Variants in LIPF observed in about 807,000 individuals in gnomAD.
The protein encoded by LIPF is gastric triacylglycerol lipase.
In LIPF, 25 loss-of-function variants were observed where a neutral mutation model predicts 38.0. The observed-to-expected ratio is 0.66, with a 90% CI of 0.48 to 0.92. LIPF has a LOEUF of 0.92. LIPF is among the 40% of genes least tolerant of loss of function. LIPF has a pLI of 0.00. For synonymous variants in LIPF, 161 were observed against 156.2 expected (o/e 1.03, Z -0.23); for missense variants, 410 against 469.9 (o/e 0.87, Z 1.18).
intron 1 of LIPF, chr10:88,665,467 G>A: frequency 8.7e-7 from 1 of 1,152,640 alleles, no homozygotes; most frequent in Non-Finnish European, 1.3e-6. Context: ...TTAATTACTG[G>A]TATTTTCCTA....
At chr10:88,665,783 T>G (rs1796980071) in intron 1 of LIPF, among the ~76,000 whole-genome samples, 1 of 140,162 alleles carries the variant, frequency 7.1e-6, no homozygotes, top group East Asian at 2.1e-4. Flanking sequence ...TCACACTGTC[T>G]CCTGGGCTGG....
chr10:88,678,662 T>C lies in LIPF; in HGVS notation c.1178T>C (p.Ile393Thr), dbSNP rs1374017554. Residue 393 changes from isoleucine to threonine, a missense_variant, in exon 10 of 10, where the codon ATA becomes ACA. By Grantham distance (89) the Ile-to-Thr change is moderately conservative (BLOSUM62 -1). Transcript: ENST00000238983. ...QEVYNDIVSMISEDKK is the reference protein window; with the variant it reads ...QEVYNDIVSMTSEDKK ...GTTTACAATGACATTGTTTCTATGA[T>C]ATCAGAAGATAAAAAGTAGTTCTGG... is the stretch of plus-strand genomic sequence containing the variant. 6.2e-7 allele frequency: 1 copy of C among 1,606,236 alleles called. No individual in the cohort carries two copies. The highest frequency in any genetic ancestry group is 1.1e-5 in the South Asian group (1 of 90,918).
intron 6 of LIPF, among the ~76,000 whole-genome samples, chr10:88,672,625 AACACACACACAC>A (rs71471111): frequency 0.23 from 30,324 of 130,632 alleles, 3,458 homozygotes; most frequent in East Asian, 0.4. Flanking sequence ...CAGTAAAACC[AACACACACACAC>A]ACACACACAC....
chr10:88,670,640 A>C (rs554337534), intron 5 of LIPF, among the ~76,000 whole-genome samples: 2 of 152,310 alleles, frequency 1.3e-5, no homozygotes, highest in African/African-American at 4.8e-5. Flanking sequence ...CAGTGAGGCT[A>C]TGCCTTGTGT....
Position 88,671,982 on chromosome 10 carries a change from A to C in LIPF, c.669+17A>C. 6.3e-7 allele frequency: 1 copy of C among 1,598,360 alleles called. No homozygotes were observed. The highest frequency in any genetic ancestry group is 1.1e-5 in the South Asian group (1 of 87,672). On this transcript the variant is annotated intron_variant, in intron 6 of 9. Coordinates refer to ENST00000238983, the MANE Select transcript of LIPF (RefSeq NM_004190.4). ...CTCTTCAAGGTATGCAATTCTCTTTAATTAAGTGAATCTAAGACCCTTGAT... is the reference window on the plus strand; with the variant it reads ...CTCTTCAAGGTATGCAATTCTCTTTCATTAAGTGAATCTAAGACCCTTGAT...
intron 5 of LIPF, among the ~76,000 whole-genome samples, chr10:88,671,298 A>C (rs1234147126): frequency 6.6e-6 from 1 of 152,178 alleles, no homozygotes; most frequent in Middle Eastern, 3.2e-3. Flanking sequence ...ACTCACCACT[A>C]TCCTTGTATT....
chr10:88,671,004 T>A (rs1841588214), intron 5 of LIPF, among the ~76,000 whole-genome samples: 1 of 152,186 alleles, frequency 6.6e-6, no homozygotes, highest in African/African-American at 2.4e-5. Flanking sequence ...GGGTTTTTTT[T>A]AGGCCATTCT....
At chr10:88,675,203 A>C (rs946322817) in intron 7 of LIPF, among the ~76,000 whole-genome samples, 4 of 152,184 alleles carry the variant, frequency 2.6e-5, no homozygotes, top group African/African-American at 9.7e-5. Context: ...CTGTGTGTGA[A>C]TATTTAACCT....
chr10:88,673,560 AC>A (rs774839703), intron 6 of LIPF, 27 bp from the exon 7 acceptor site: 3 of 1,575,304 alleles, frequency 1.9e-6, no homozygotes, highest in Non-Finnish European at 2.6e-6. Flanking sequence ...GATTGCTACA[AC>A]CCTCTAATAG....
At position 88,673,822 on chromosome 10, in the gene LIPF, T is replaced by G; in HGVS notation, c.816+88T>G. 2.9e-6 allele frequency: 3 copies of G among 1,050,016 alleles called. No homozygotes were observed. In the East Asian group the frequency reaches 7.2e-5, roughly 25 times the overall value. The allele number at this position is 1,050,016 out of a possible 1,614,324, so 65.0% of individuals were successfully genotyped here. On this transcript the variant is annotated intron_variant, in intron 7 of 9. Transcript: ENST00000238983. ...CTTAGAAGTGGTACTTTATGAGAAC[T>G]AGGAGTAGGTTCAGAACTGCGATAT...
chr10:88,667,431 A>C lies in LIPF; in HGVS notation c.105+29A>C, dbSNP rs1480960965. 4 of 1,294,048 alleles carry C rather than the reference A, an allele frequency of 3.1e-6. No individual in the cohort carries two copies. In the African/African-American group the frequency reaches 5.9e-5, roughly 19 times the overall value. 80.2% of individuals were successfully genotyped at this position (1,294,048 alleles called of 1,614,324 possible). A position where few individuals can be genotyped will look rare whatever the true frequency, so the allele number is the denominator to read the frequency against. On this transcript the variant is annotated intron_variant, in intron 2 of 9. Coordinates refer to ENST00000238983, the MANE Select transcript of LIPF (RefSeq NM_004190.4). The stretch of plus-strand genomic sequence containing the variant: ...AGTTACTCTGGGGAAAAACTCTATA[A>C]AACTAAAAGATGCTATTATTTAAAA...
At chr10:88,667,544 T>A in intron 2 of LIPF, 25 bp from the exon 3 acceptor site, 1 of 1,321,464 alleles carries the variant, frequency 7.6e-7, no homozygotes, top group Non-Finnish European at 1.1e-6. Context: ...AACTAAAATT[T>A]AAACTTTTGG....
intron 6 of LIPF, among the ~76,000 whole-genome samples, chr10:88,672,441 T>C (rs1261769275): frequency 6.6e-6 from 1 of 152,222 alleles, no homozygotes; most frequent in Non-Finnish European, 1.5e-5. Context: ...AGATCTCTCA[T>C]GGCTTTCCCT....
chr10:88,672,069 T>C, intron 6 of LIPF, 104 bp downstream of exon 6: 1 of 1,130,428 alleles, frequency 8.8e-7, no homozygotes, highest in Non-Finnish European at 1.2e-6. Flanking sequence ...CAATCATTTT[T>C]ATATCCAAAA....
rs1841637754 is a variant in LIPF at position 88,673,611 on chromosome 10, C to G, written c.693C>G (p.Phe231Leu). 4 of 1,611,358 alleles carry G rather than the reference C, an allele frequency of 2.5e-6. No individual in the cohort carries two copies. Among genetic ancestry groups the G allele is most frequent in the Non-Finnish European group, 3.4e-6 (4 of 1,178,388 alleles). ...LFKFIFGDKI[F>L]YPHNFFDQFL... ...AGTTTATATTTGGTGACAAAATATT[C>G]TACCCACACAACTTCTTTGATCAAT... is the stretch of plus-strand genomic sequence containing the variant. The change falls in exon 7 of 10, where the codon TTC (phenylalanine) becomes TTG (leucine). Residue 231 changes from phenylalanine (F) to leucine (L), a missense_variant. Transcript: ENST00000238983.
At chr10:88,671,424 T>C (rs1243591773) in intron 5 of LIPF, among the ~76,000 whole-genome samples, 2 of 152,172 alleles carry the variant, frequency 1.3e-5, no homozygotes, top group African/African-American at 4.8e-5. Context: ...TTTCTACTCT[T>C]AACCTTTCCA....
At chr10:88,668,049 T>G (rs904464309) in intron 3 of LIPF, among the ~76,000 whole-genome samples, 1 of 152,170 alleles carries the variant, frequency 6.6e-6, no homozygotes. Context: ...AAACAGTAAC[T>G]GGATGAAGAT....
At chr10:88,664,773 TTTA>T (rs2134630091) in intron 1 of LIPF, among the ~76,000 whole-genome samples, 1 of 152,318 alleles carries the variant, frequency 6.6e-6, no homozygotes, top group Non-Finnish European at 1.5e-5. Context: ...TACAAATTTG[TTTA>T]TTAAGTTCCT....
chr10:88,678,484 C>A lies in LIPF; in HGVS notation c.1000C>A (p.Pro334Thr). Residue 334 changes from proline to threonine, a missense_variant, in exon 10 of 10, where the codon CCA (proline) becomes ACA (threonine). Pro to Thr is a conservative substitution (Grantham distance 38, BLOSUM62 -1). Transcript: ENST00000238983. ...PYYNVTAMNV[P>T]IAVWNGGKDL... ...CTACAATGTGACAGCCATGAATGTA[C>A]CAATTGCAGTGTGGAACGGTGGCAA... is the stretch of plus-strand genomic sequence containing the variant. The A allele has an allele frequency of 4.3e-6, 7 of 1,613,938 alleles. No homozygotes were observed. The highest frequency in any genetic ancestry group is 5.1e-6 in the Non-Finnish European group (6 of 1,179,890).
Sources: gnomAD v4.1 joint callset for allele counts (sites outside exome capture counted in the v4.1 genomes callset) on GRCh38, gnomAD v4.1.1 for gene constraint, MANE v1.5 for transcripts, NCBI Gene and HGNC (gene_info 2026-07-23, HGNC 2026-07-21) for gene names.